The following RBMS3 variants were observed in gnomAD, a reference collection of about 807,000 sequenced individuals.
RBMS3 encodes the protein RNA-binding motif, single-stranded-interacting protein 3.
In RBMS3, 27 loss-of-function variants were observed where a neutral mutation model predicts 66.8. The observed-to-expected ratio is 0.40, with a 90% confidence interval of 0.30 to 0.56. The LOEUF (loss-of-function observed/expected upper bound fraction) is 0.56. Among genes scored for constraint, RBMS3 ranks in the 20% least tolerant of loss-of-function variants. The pLI is 0.40. For synonymous variants in RBMS3, 188 were observed against 183.0 expected (o/e 1.03, Z -0.22); for missense variants, 513 against 549.5 (o/e 0.93, Z 0.66).
At chr3:29,936,780 A>G (rs987021043) in intron 11 of RBMS3, among the ~76,000 whole-genome samples, 2 of 152,146 alleles carry the variant, frequency 1.3e-5, no homozygotes, top group African/African-American at 4.8e-5. Context: ...CTCCTCAGAG[A>G]ACAAAAGTGT....
At chr3:29,489,978 G>A (rs1448351772) in intron 3 of RBMS3, among the ~76,000 whole-genome samples, 1 of 147,870 alleles carries the variant, frequency 6.8e-6, no homozygotes, top group Non-Finnish European at 1.5e-5. Context: ...AGGAGGCAGA[G>A]GTTGCAGTGA....
chr3:29,876,263 T>C (rs2059608647), intron 7 of RBMS3, among the ~76,000 whole-genome samples: 1 of 152,138 alleles, frequency 6.6e-6, no homozygotes. Flanking sequence ...GCAATCTCAG[T>C]AATAAGCTTG....
At chr3:29,975,135 T>C (rs1390124192) in intron 12 of RBMS3, among the ~76,000 whole-genome samples, 1 of 146,546 alleles carries the variant, frequency 6.8e-6, no homozygotes, top group Non-Finnish European at 1.5e-5. Flanking sequence ...TTTATATATT[T>C]ATATATTTTA....
At chr3:29,849,743 G>A (rs546163765) in intron 6 of RBMS3, among the ~76,000 whole-genome samples, 1 of 152,244 alleles carries the variant, frequency 6.6e-6, no homozygotes, top group African/African-American at 2.4e-5. Context: ...TATTTTAACA[G>A]CAAGAAGCAT....
Position 29,321,590 on chromosome 3 carries a change from T to A in RBMS3, c.75+39834T>A, listed in dbSNP as rs147792661. Among the ~76,000 whole-genome samples, 344 of 152,306 alleles carry A rather than the reference T, an allele frequency of 2.3e-3. 4 individuals are homozygous for A. The highest frequency in any genetic ancestry group is 8.0e-3 in the African/African-American group (333 of 41,578). On this transcript the variant is annotated intron_variant, in intron 1 of 14. Coordinates refer to ENST00000383767, the MANE Select transcript of RBMS3 (RefSeq NM_001003793.3). ...AAATATGTACATACGTAGTTTTTCC[T>A]CTTGCAATTCCCTGTGAAATACTAG...
chr3:29,423,534 A>G lies in RBMS3; in HGVS notation c.76-11209A>G, dbSNP rs534724400. 1.4e-4 allele frequency among the ~76,000 whole-genome samples: 22 copies of G among 152,324 alleles called. No individual in the cohort carries two copies. The East Asian group carries it at 4.3e-3, about 29-fold the overall frequency. On this transcript the variant is annotated intron_variant, in intron 1 of 14. Coordinates refer to ENST00000383767, the MANE Select transcript of RBMS3 (RefSeq NM_001003793.3). The stretch of plus-strand genomic sequence containing the variant: ...TACATTTTAAGAAATTCCTGTAACT[A>G]GTAGCATAGCATAGAAACTGTGACC...
At chr3:29,505,501 A>ATT (rs1353943200) in intron 3 of RBMS3, among the ~76,000 whole-genome samples, 3 of 109,094 alleles carry the variant, frequency 2.7e-5, no homozygotes, top group South Asian at 3.1e-4. Flanking sequence ...GATGCCTTCA[A>ATT]TTTTGTTTTT....
intron 12 of RBMS3, among the ~76,000 whole-genome samples, chr3:29,955,439 A>C (rs1028952908): frequency 6.6e-6 from 1 of 152,026 alleles, no homozygotes; most frequent in Non-Finnish European, 1.5e-5. Context: ...CAGAACCTTG[A>C]CTAAGAGAAA....
At chr3:29,972,063 A>G (rs1697264419) in intron 12 of RBMS3, among the ~76,000 whole-genome samples, 1 of 152,168 alleles carries the variant, frequency 6.6e-6, no homozygotes, top group South Asian at 2.1e-4. Context: ...CCACAATTAC[A>G]TACTTTGCTT....
At chr3:29,533,804 T>A (rs1463403043) in intron 3 of RBMS3, among the ~76,000 whole-genome samples, 8 of 152,122 alleles carry the variant, frequency 5.3e-5, no homozygotes, top group Non-Finnish European at 8.8e-5. Context: ...AAAGCCCCCT[T>A]TGGAGTTTAT....
intron 3 of RBMS3, among the ~76,000 whole-genome samples, chr3:29,567,952 G>A (rs1363603755): frequency 1.3e-5 from 2 of 152,146 alleles, no homozygotes; most frequent in East Asian, 1.9e-4. Context: ...TCAGTTTTGT[G>A]AAAATGATGG....
chr3:29,558,652 C>T (rs2046438080), intron 3 of RBMS3, among the ~76,000 whole-genome samples: 1 of 152,164 alleles, frequency 6.6e-6, no homozygotes, highest in Non-Finnish European at 1.5e-5. Flanking sequence ...AATGTAAACT[C>T]TTAGAACCTG....
chr3:29,816,956 T>TTACATGG (rs2057924627), intron 6 of RBMS3, among the ~76,000 whole-genome samples: 1 of 151,920 alleles, frequency 6.6e-6, no homozygotes, highest in Non-Finnish European at 1.5e-5. Context: ...CCGGGCATGG[T>TTACATGG]GGTGCACACC....
intron 1 of RBMS3, among the ~76,000 whole-genome samples, chr3:29,335,100 TCA>T (rs1366861324): frequency 4.8e-5 from 7 of 146,454 alleles, no homozygotes; most frequent in African/African-American, 1.7e-4. Flanking sequence ...AGCCTGCTTC[TCA>T]GTTATGTTTG....
chr3:29,289,097 A>C (rs994971299), intron 1 of RBMS3, among the ~76,000 whole-genome samples: 1 of 151,916 alleles, frequency 6.6e-6, no homozygotes, highest in African/African-American at 2.4e-5. Context: ...TGGAGTATAA[A>C]ACAAGGAAGA....
chr3:29,523,775 C>A (rs2044962733), intron 3 of RBMS3, among the ~76,000 whole-genome samples: 1 of 151,994 alleles, frequency 6.6e-6, no homozygotes, highest in Non-Finnish European at 1.5e-5. Flanking sequence ...CACTTTGTTG[C>A]CCGGGCTGGA....
At chr3:29,724,226 T>C (rs1044426521) in intron 4 of RBMS3, among the ~76,000 whole-genome samples, 2 of 152,190 alleles carry the variant, frequency 1.3e-5, no homozygotes, top group African/African-American at 2.4e-5. Context: ...TTTACACTTA[T>C]GAGGAACACA....
intron 2 of RBMS3, among the ~76,000 whole-genome samples, chr3:29,474,077 A>G (rs1292206886): frequency 2.0e-5 from 3 of 152,372 alleles, no homozygotes; most frequent in South Asian, 2.1e-4. Flanking sequence ...CTAGGATTAC[A>G]GGCATGAACT....
chr3:29,621,637 A>G (rs988981197), intron 4 of RBMS3, among the ~76,000 whole-genome samples: 1 of 152,242 alleles, frequency 6.6e-6, no homozygotes, highest in Non-Finnish European at 1.5e-5. Flanking sequence ...TCCTGACAGC[A>G]TAATACCAAG....
Sources: gnomAD v4.1 joint callset for allele counts (sites outside exome capture counted in the v4.1 genomes callset) on GRCh38, gnomAD v4.1.1 for gene constraint, MANE v1.5 for transcripts, NCBI Gene and HGNC (gene_info 2026-07-23, HGNC 2026-07-21) for gene names.